UTS2B: variants seen among roughly 807,000 people sequenced by gnomAD.
UTS2B encodes the protein urotensin-2B.
UTS2B carries 21 observed loss-of-function variants against 19.2 expected under a neutral mutation model. That is an observed-to-expected ratio of 1.09 (90% CI 0.78 to 1.58). The LOEUF (loss-of-function observed/expected upper bound fraction) is 1.58. UTS2B is among the 40% of genes most tolerant of loss of function. UTS2B has a pLI of 0.00. For synonymous variants in UTS2B, 57 were observed against 50.2 expected (o/e 1.14, Z -0.58); for missense variants, 138 against 130.3 (o/e 1.06, Z -0.29).
intron 4 of UTS2B, among the ~76,000 whole-genome samples, chr3:191,292,738 G>C (rs1716752336): frequency 6.6e-6 from 1 of 152,150 alleles, no homozygotes. Flanking sequence ...CTTGAGCTTA[G>C]AGGGTAAAGC....
At chr3:191,287,828 C>A (rs1320283412) in intron 4 of UTS2B, among the ~76,000 whole-genome samples, 3 of 151,962 alleles carry the variant, frequency 2.0e-5, no homozygotes, top group Admixed American at 1.3e-4. Flanking sequence ...GGAAAGACAT[C>A]CATATAGGAA....
intron 4 of UTS2B, among the ~76,000 whole-genome samples, chr3:191,297,579 G>C (rs1350584876): frequency 6.6e-6 from 1 of 152,050 alleles, no homozygotes; most frequent in African/African-American, 2.4e-5. Flanking sequence ...TTTACCTGTT[G>C]CAATATATTT....
the UTS2B span, among the ~76,000 whole-genome samples, chr3:191,345,946 G>A: frequency 6.6e-6 from 1 of 152,144 alleles, no homozygotes; most frequent in African/African-American, 2.4e-5. Flanking sequence ...CCTATTTTAA[G>A]TTGCCACGTG....
At chr3:191,321,156 A>G (rs980283433) in intron 2 of UTS2B, among the ~76,000 whole-genome samples, 3 of 152,174 alleles carry the variant, frequency 2.0e-5, no homozygotes, top group African/African-American at 7.2e-5. Flanking sequence ...AAATGGGGGC[A>G]GAAACACTAA....
chr3:191,320,902 T>G (rs926073327), intron 2 of UTS2B, among the ~76,000 whole-genome samples: 38 of 152,170 alleles, frequency 2.5e-4, no homozygotes, highest in African/African-American at 8.7e-4. Context: ...AGTGCTGTGG[T>G]TTGAATGTGT....
rs1389914307 is a variant in UTS2B at position 191,283,978 on chromosome 3, G to C, written c.-124-1665C>G. Among the ~76,000 whole-genome samples the C allele has an allele frequency of 3.3e-5, 5 of 152,130 alleles. No homozygotes were observed. In the East Asian group the frequency reaches 9.6e-4, roughly 29 times the overall value. ...GGAAAATAGGAAATTAATGTCATGT[G>C]ATGTAGAGAGAATATATAAATATGA... On this transcript the variant is annotated intron_variant, in intron 4 of 8. Transcript: ENST00000340524.
chr3:191,320,268 C>G (rs557655181), intron 2 of UTS2B, among the ~76,000 whole-genome samples: 1 of 152,282 alleles, frequency 6.6e-6, no homozygotes, highest in African/African-American at 2.4e-5. Context: ...GTAAATCACA[C>G]AGTTATTGGC....
chr3:191,289,633 A>T (rs1716660074), intron 4 of UTS2B, among the ~76,000 whole-genome samples: 1 of 152,088 alleles, frequency 6.6e-6, no homozygotes, highest in Admixed American at 6.5e-5. Context: ...ATTTGTGATA[A>T]AATATATAAG....
At chr3:191,322,787 G>A (rs972938132) in intron 2 of UTS2B, among the ~76,000 whole-genome samples, 10 of 152,186 alleles carry the variant, frequency 6.6e-5, no homozygotes, top group African/African-American at 2.4e-4. Flanking sequence ...TAGCAGACAT[G>A]CACAACCAAA....
At chr3:191,276,062 T>C (rs541723209) in intron 7 of UTS2B, among the ~76,000 whole-genome samples, 1 of 146,936 alleles carries the variant, frequency 6.8e-6, no homozygotes, top group Admixed American at 6.6e-5. Flanking sequence ...ATTTCCTGAA[T>C]TTTTTGTCTT....
intron 7 of UTS2B, 87 bp downstream of exon 7, chr3:191,276,720 T>C (rs776493642): frequency 1.3e-4 from 145 of 1,125,682 alleles, no homozygotes; most frequent in Non-Finnish European, 1.6e-4. Flanking sequence ...GTAGTATTAA[T>C]AATTTATTTT....
intron 6 of UTS2B, among the ~76,000 whole-genome samples, chr3:191,277,222 C>T (rs1490310408): frequency 6.6e-6 from 1 of 151,968 alleles, no homozygotes; most frequent in African/African-American, 2.4e-5. Context: ...ATAATTCAAT[C>T]GAGAAGAAAA....
At chr3:191,305,610 G>T (rs1013665387) in intron 3 of UTS2B, among the ~76,000 whole-genome samples, 17 of 152,024 alleles carry the variant, frequency 1.1e-4, no homozygotes, top group South Asian at 1.0e-3. Context: ...CATTATGTAG[G>T]TTATTTACTC....
At chr3:191,344,066 G>T in the UTS2B span, among the ~76,000 whole-genome samples, 3 of 152,186 alleles carry the variant, frequency 2.0e-5, no homozygotes, top group African/African-American at 7.2e-5. Flanking sequence ...TAAATCAGTG[G>T]CTGACACAAG....
chr3:191,295,499 C>A (rs986560056), intron 4 of UTS2B, among the ~76,000 whole-genome samples: 3 of 151,828 alleles, frequency 2.0e-5, no homozygotes, highest in Non-Finnish European at 4.4e-5. Context: ...TCTAGATTTT[C>A]TTTTATTATC....
chr3:191,292,406 C>T (rs142079024), intron 4 of UTS2B, among the ~76,000 whole-genome samples: 2 of 152,064 alleles, frequency 1.3e-5, no homozygotes, highest in African/African-American at 4.8e-5. Context: ...TTGCGTTGTT[C>T]TTTGCTAGGA....
rs76956371 is a variant in UTS2B at position 191,312,755 on chromosome 3, T to C, written c.-182+3281A>G. 5.3e-3 allele frequency among the ~76,000 whole-genome samples: 804 copies of C among 152,296 alleles called. 13 individuals carry two copies. The East Asian group carries it at 0.073, about 14-fold the overall frequency. On this transcript the variant is annotated intron_variant, in intron 3 of 8. Coordinates refer to ENST00000340524, the MANE Select transcript of UTS2B (RefSeq NM_198152.5). ...TGGCTGATCTAACCCCAAAACGTCATCTTGAGGATTGGCTTTTGAGGCCCC... is the reference window on the plus strand; with the variant it reads ...TGGCTGATCTAACCCCAAAACGTCACCTTGAGGATTGGCTTTTGAGGCCCC...
chr3:191,273,409 A>G, intron 8 of UTS2B: 1 of 450,626 alleles, frequency 2.2e-6, no homozygotes, highest in Non-Finnish European at 4.5e-6. Context: ...TGTTGGTGGT[A>G]GTCCCAGTGA....
chr3:191,283,461 GCCACAACATTTTGTTTGTATATCTA>G (rs11272681), intron 4 of UTS2B, among the ~76,000 whole-genome samples: 6,363 of 151,922 alleles, frequency 0.042, 438 homozygotes, highest in African/African-American at 0.15. Context: ...CCTTTGGACT[GCCACAACATTTTGTTTGTATATCTA>G]CTACAGTTCA....
Sources: allele counts gnomAD v4.1 joint callset (sites outside exome capture counted in the v4.1 genomes callset), GRCh38; gene constraint gnomAD v4.1.1; transcripts MANE v1.5; gene names NCBI Gene and HGNC (gene_info 2026-07-23, HGNC 2026-07-21).